STPG2: variants seen among roughly 807,000 people sequenced by gnomAD.
The protein encoded by STPG2 is sperm-tail PG-rich repeat-containing protein 2.
STPG2 carries 56 observed loss-of-function variants against 54.2 expected under a neutral mutation model. The ratio of observed to expected loss-of-function variants is 1.03; its 90% CI spans 0.83 to 1.29. The LOEUF (loss-of-function observed/expected upper bound fraction) is 1.29. Ranked by LOEUF, STPG2 falls within the 50% of genes most tolerant of loss-of-function variation. The probability of loss-of-function intolerance (pLI) is 0.00; values close to 1 mark genes in which losing one functional copy is unlikely to be tolerated. For missense variants in STPG2, 596 were observed against 544.9 expected (o/e 1.09, Z -0.93); for synonymous variants, 200 against 181.8 (o/e 1.10, Z -0.81).
rs1265735555 is a variant in STPG2 at position 97,915,849 on chromosome 4, G to A, written c.1044+28048C>T. Among the ~76,000 whole-genome samples, 10 of 152,254 alleles carry A rather than the reference G, an allele frequency of 6.6e-5. No individual in the cohort carries two copies. The South Asian group carries it at 1.0e-3, about 16-fold the overall frequency. On this transcript the variant is annotated intron_variant, in intron 8 of 10. Transcript: ENST00000295268. ...CTGTAGGTTTTTGAGATGGGACATA[G>A]TCAGAGCTATGCTTCGGGAAGATCA...
intron 10 of STPG2, among the ~76,000 whole-genome samples, chr4:97,623,154 T>C (rs1353021458): frequency 2.0e-5 from 3 of 151,940 alleles, no homozygotes; most frequent in Non-Finnish European, 2.9e-5. Context: ...CCTAAAACTA[T>C]AAAAACTCTG....
chr4:97,836,319 C>T (rs959374357), intron 9 of STPG2, among the ~76,000 whole-genome samples: 1 of 151,956 alleles, frequency 6.6e-6, no homozygotes, highest in African/African-American at 2.4e-5. Flanking sequence ...CAAAGCAAGA[C>T]CCTCCAGGAG....
chr4:98,070,583 G>A lies in STPG2; in HGVS notation c.612+35370C>T, dbSNP rs187984874. Among the ~76,000 whole-genome samples the A allele has an allele frequency of 2.1e-4, 32 of 151,026 alleles. No homozygotes were observed. In the East Asian group the frequency reaches 5.8e-3, roughly 27 times the overall value. On this transcript the variant is annotated intron_variant, in intron 5 of 10. Coordinates refer to ENST00000295268, the MANE Select transcript of STPG2 (RefSeq NM_174952.3). ...AGAGAGAGGATGTCAAATTATCTTC[G>A]CAAATGACATAATCCTATATCTAGA...
intron 10 of STPG2, among the ~76,000 whole-genome samples, chr4:97,643,695 A>G (rs904863017): frequency 6.6e-6 from 1 of 151,776 alleles, no homozygotes; most frequent in Non-Finnish European, 1.5e-5. Context: ...GAACTCTTTC[A>G]GTTTACTTCT....
chr4:97,824,014 A>G (rs1406169920), intron 9 of STPG2, among the ~76,000 whole-genome samples: 1 of 152,082 alleles, frequency 6.6e-6, no homozygotes, highest in African/African-American at 2.4e-5. Flanking sequence ...TGGGATATTA[A>G]TTGCTATTCT....
At chr4:97,444,916 G>C (rs1729181098) in intron 4 of STPG2, among the ~76,000 whole-genome samples, 1 of 151,954 alleles carries the variant, frequency 6.6e-6, no homozygotes, top group Non-Finnish European at 1.5e-5. Context: ...AGGCGCCTGT[G>C]GTCCCAGCTA....
intron 7 of STPG2, among the ~76,000 whole-genome samples, chr4:97,945,775 T>G (rs1369927372): frequency 6.6e-6 from 1 of 152,134 alleles, no homozygotes; most frequent in Non-Finnish European, 1.5e-5. Context: ...CTGGCCATTC[T>G]TGGATGGGTA....
At chr4:97,874,244 C>G (rs1380748345) in intron 8 of STPG2, among the ~76,000 whole-genome samples, 2 of 151,622 alleles carry the variant, frequency 1.3e-5, no homozygotes, top group Admixed American at 1.3e-4. Context: ...GTTGACTATT[C>G]ATGTTCATTA....
At chr4:98,079,095 C>T (rs1738260186) in intron 5 of STPG2, among the ~76,000 whole-genome samples, 1 of 151,996 alleles carries the variant, frequency 6.6e-6, no homozygotes, top group Non-Finnish European at 1.5e-5. Flanking sequence ...TTTTTGGATG[C>T]TCAAAATAGT....
chr4:97,948,891 T>A (rs1285617573), intron 7 of STPG2, among the ~76,000 whole-genome samples: 3 of 152,084 alleles, frequency 2.0e-5, no homozygotes, highest in African/African-American at 7.2e-5. Context: ...TATTCTGAAA[T>A]TCTTAGGTAG....
At chr4:98,133,362 C>G (rs938183373) in intron 2 of STPG2, among the ~76,000 whole-genome samples, 34 of 151,982 alleles carry the variant, frequency 2.2e-4, no homozygotes, top group African/African-American at 7.2e-4. Flanking sequence ...CTACAAATAG[C>G]CCTTTTCACA....
intron 3 of STPG2, among the ~76,000 whole-genome samples, chr4:98,119,154 C>T (rs2865952): frequency 0.28 from 41,750 of 151,674 alleles, 5,960 homozygotes; most frequent in Middle Eastern, 0.35. Context: ...TTAAAGTAAT[C>T]CTCAAAAAAT....
At chr4:97,903,447 T>TAA (rs931086969) in intron 8 of STPG2, among the ~76,000 whole-genome samples, 4 of 144,542 alleles carry the variant, frequency 2.8e-5, no homozygotes, top group African/African-American at 7.6e-5. Flanking sequence ...ATTAAAAATC[T>TAA]AAAAAAAAAA....
intron 9 of STPG2, among the ~76,000 whole-genome samples, chr4:97,729,063 T>TTCCCTCTCTCTCTCTCTCTC (rs1724711530): frequency 4.0e-5 from 5 of 124,844 alleles, no homozygotes; most frequent in African/African-American, 1.4e-4. Flanking sequence ...CCCCAAGAAT[T>TTCCCTCTCTCTCTCTCTCTC]TCTCTCTCTC....
chr4:97,917,675 C>G (rs1001938578), intron 8 of STPG2, among the ~76,000 whole-genome samples: 3 of 151,960 alleles, frequency 2.0e-5, no homozygotes, highest in African/African-American at 7.3e-5. Flanking sequence ...TATCTTGATA[C>G]AGAGGATAGA....
At chr4:97,850,377 A>G (rs1005633361) in intron 8 of STPG2, among the ~76,000 whole-genome samples, 2 of 151,580 alleles carry the variant, frequency 1.3e-5, no homozygotes, top group African/African-American at 2.4e-5. Flanking sequence ...AAGAAAAAAG[A>G]AAAAGAAAAC....
At chr4:97,938,692 T>C (rs1455126120) in intron 8 of STPG2, among the ~76,000 whole-genome samples, 1 of 152,170 alleles carries the variant, frequency 6.6e-6, no homozygotes, top group East Asian at 1.9e-4. Flanking sequence ...CTGCCTCCCT[T>C]GGCTGGTGCT....
intron 5 of STPG2, among the ~76,000 whole-genome samples, chr4:98,042,664 G>GA (rs1367150704): frequency 6.6e-6 from 1 of 151,892 alleles, no homozygotes; most frequent in East Asian, 1.9e-4. Flanking sequence ...TATGGGTTAA[G>GA]AAAATATGTA....
At chr4:97,602,733 A>C (rs1271576766) in intron 10 of STPG2, among the ~76,000 whole-genome samples, 1 of 151,700 alleles carries the variant, frequency 6.6e-6, no homozygotes, top group African/African-American at 2.4e-5. Flanking sequence ...TTAATGCACA[A>C]ATGTATTTTC....
Sources: gnomAD v4.1 joint callset for allele counts (sites outside exome capture counted in the v4.1 genomes callset) on GRCh38, gnomAD v4.1.1 for gene constraint, MANE v1.5 for transcripts, NCBI Gene and HGNC (gene_info 2026-07-23, HGNC 2026-07-21) for gene names.